KCNT2: variants seen among roughly 807,000 people sequenced by gnomAD.
KCNT2 encodes potassium sodium-activated channel subfamily T member 2.
In KCNT2, 67 loss-of-function variants were observed where a neutral mutation model predicts 153.8. The ratio of observed to expected loss-of-function variants is 0.44; its 90% confidence interval spans 0.36 to 0.53. The LOEUF (loss-of-function observed/expected upper bound fraction) is 0.53. Ranked by LOEUF, KCNT2 falls within the 20% of genes least tolerant of loss-of-function variation. KCNT2 has a pLI of 0.00. For synonymous variants in KCNT2, 500 were observed against 458.8 expected, an observed-to-expected ratio of 1.09 and a Z score of -1.15; for missense variants, 975 against 1,354.8, an observed-to-expected ratio of 0.72 and a Z score of 4.40.
At chr1:196,373,015 A>G in intron 14 of KCNT2, 125 bp downstream of exon 14, 1 of 538,246 alleles carries the variant, frequency 1.9e-6, no homozygotes, top group South Asian at 2.8e-5. Context: ...GATAACTCAC[A>G]CAAATTCAAG....
rs1553271463 is a variant in KCNT2, at chr1:196,284,248, A to AATAT, written c.2697+1405_2697+1408dup. Among the ~76,000 whole-genome samples the AATAT allele has an allele frequency of 8.0e-3, 80 of 10,042 alleles. 9 individuals are homozygous for AATAT. The highest frequency in any genetic ancestry group is 0.023 in the Admixed American group (8 of 350). 6.6% of individuals were successfully genotyped at this position (10,042 alleles called of 152,430 possible). ...TCTGTCTTAAAAAAAAAAAAAAAAA[A>AATAT]ATATATATATATATATATATATATA... is the stretch of plus-strand genomic sequence containing the variant. On this transcript the variant is annotated intron_variant, in intron 23 of 27. Transcript: ENST00000294725.
At chr1:196,467,452 T>C (rs1677721429) in intron 7 of KCNT2, among the ~76,000 whole-genome samples, 1 of 152,038 alleles carries the variant, frequency 6.6e-6, no homozygotes, top group Admixed American at 6.6e-5. Context: ...CAATGACTCA[T>C]TAAAAAAACA....
chr1:196,437,986 T>C (rs1469350057), intron 8 of KCNT2, among the ~76,000 whole-genome samples: 1 of 151,440 alleles, frequency 6.6e-6, no homozygotes, highest in Non-Finnish European at 1.5e-5. Flanking sequence ...TTAATAAATA[T>C]TTTTTATTTG....
chr1:196,574,265 T>C (rs1031996400), intron 1 of KCNT2, among the ~76,000 whole-genome samples: 3 of 151,938 alleles, frequency 2.0e-5, no homozygotes, highest in Non-Finnish European at 4.4e-5. Flanking sequence ...TATTGTATGT[T>C]AATCAACTTA....
intron 14 of KCNT2, among the ~76,000 whole-genome samples, chr1:196,369,051 A>T (rs770044220): frequency 2.0e-5 from 3 of 152,134 alleles, no homozygotes; most frequent in Non-Finnish European, 2.9e-5. Context: ...TATTTTTCTT[A>T]TCAATTCTCT....
chr1:196,420,081 G>A (rs1673077840), intron 12 of KCNT2, among the ~76,000 whole-genome samples: 1 of 151,540 alleles, frequency 6.6e-6, no homozygotes, highest in Non-Finnish European at 1.5e-5. Context: ...ACACTATTTG[G>A]TTTTATTGTT....
intron 14 of KCNT2, among the ~76,000 whole-genome samples, chr1:196,365,253 T>C (rs1667941233): frequency 6.6e-6 from 1 of 152,144 alleles, no homozygotes; most frequent in South Asian, 2.1e-4. Flanking sequence ...TGATTAATTT[T>C]CAAATAAATT....
intron 1 of KCNT2, among the ~76,000 whole-genome samples, chr1:196,542,605 T>A (rs1341262157): frequency 6.6e-6 from 1 of 152,092 alleles, no homozygotes. Flanking sequence ...TAGGAGCACA[T>A]AACTCACTGG....
At chr1:196,603,268 C>A (rs930809034) in intron 1 of KCNT2, among the ~76,000 whole-genome samples, 2 of 151,932 alleles carry the variant, frequency 1.3e-5, no homozygotes, top group Admixed American at 1.3e-4. Flanking sequence ...ATGCCACTAT[C>A]GATTAAAGAG....
chr1:196,238,344 G>A (rs1279156056), intron 26 of KCNT2, among the ~76,000 whole-genome samples: 2 of 151,918 alleles, frequency 1.3e-5, no homozygotes, highest in East Asian at 3.9e-4. Context: ...TGCTTAAGTA[G>A]CCTGTATTAT....
intron 1 of KCNT2, among the ~76,000 whole-genome samples, chr1:196,603,993 C>T (rs1017085963): frequency 6.6e-6 from 1 of 152,160 alleles, no homozygotes; most frequent in Non-Finnish European, 1.5e-5. Context: ...AATATTAAAA[C>T]AGAAAACAGG....
chr1:196,535,387 T>C (rs1655422172), intron 1 of KCNT2, among the ~76,000 whole-genome samples: 3 of 152,188 alleles, frequency 2.0e-5, no homozygotes, highest in Non-Finnish European at 4.4e-5. Context: ...CAGTAACACA[T>C]TGGAAATTGG....
intron 1 of KCNT2, among the ~76,000 whole-genome samples, chr1:196,535,020 T>G (rs1209448686): frequency 1.3e-5 from 2 of 152,224 alleles, no homozygotes; most frequent in Non-Finnish European, 2.9e-5. Context: ...TAATTCTGAT[T>G]ATAATTTCCC....
chr1:196,397,007 A>G (rs1008516346), intron 13 of KCNT2, among the ~76,000 whole-genome samples: 1 of 151,546 alleles, frequency 6.6e-6, no homozygotes, highest in Non-Finnish European at 1.5e-5. Flanking sequence ...TTGATACAAT[A>G]TCCATTCATA....
chr1:196,325,437 A>G (rs544488067), intron 19 of KCNT2, among the ~76,000 whole-genome samples: 24 of 152,122 alleles, frequency 1.6e-4, no homozygotes, highest in Non-Finnish European at 2.2e-4. Flanking sequence ...AAGCTGACAC[A>G]TTTGAACTCA....
intron 26 of KCNT2, among the ~76,000 whole-genome samples, chr1:196,254,223 T>C (rs1656256929): frequency 6.6e-6 from 1 of 151,446 alleles, no homozygotes; most frequent in African/African-American, 2.4e-5. Flanking sequence ...GAGATTAACA[T>C]AAATCAAACC....
At chr1:196,484,752 A>T (rs540412581) in intron 3 of KCNT2, among the ~76,000 whole-genome samples, 8 of 152,274 alleles carry the variant, frequency 5.3e-5, no homozygotes, top group Admixed American at 5.2e-4. Flanking sequence ...ATGGCTAGCC[A>T]GTTTTCCCAG....
intron 25 of KCNT2, among the ~76,000 whole-genome samples, chr1:196,267,097 C>T (rs1277824316): frequency 6.6e-6 from 1 of 152,192 alleles, no homozygotes; most frequent in African/African-American, 2.4e-5. Context: ...AATACTTAAA[C>T]AGTCCTGCTG....
At chr1:196,324,540 G>C (rs1663654489) in intron 19 of KCNT2, among the ~76,000 whole-genome samples, 1 of 151,904 alleles carries the variant, frequency 6.6e-6, no homozygotes, top group Non-Finnish European at 1.5e-5. Context: ...ATCTCTCTAA[G>C]ACTAAATCAT....
Sources: gnomAD v4.1 joint callset for allele counts (sites outside exome capture counted in the v4.1 genomes callset) on GRCh38, gnomAD v4.1.1 for gene constraint, MANE v1.5 for transcripts, NCBI Gene and HGNC (gene_info 2026-07-23, HGNC 2026-07-21) for gene names.